ELMOD1: variants seen among roughly 807,000 people sequenced by gnomAD.
ELMOD1 encodes ELMO domain-containing protein 1.
Under a neutral mutation model 46.7 loss-of-function variants are expected in ELMOD1, and 21 were observed. The ratio of observed to expected loss-of-function variants is 0.45; its 90% CI spans 0.32 to 0.65. The LOEUF is 0.65. ELMOD1 is among the 30% of genes least tolerant of loss of function. The pLI is 0.04. For synonymous variants in ELMOD1, 122 were observed against 138.2 expected (o/e 0.88, Z 0.82); for missense variants, 348 against 407.8 (o/e 0.85, Z 1.26).
chr11:107,624,335 A>G (rs1284529658), intron 2 of ELMOD1, among the ~76,000 whole-genome samples: 1 of 152,228 alleles, frequency 6.6e-6, no homozygotes, highest in African/African-American at 2.4e-5. Context: ...TCCAAAGAGT[A>G]AAACATAACC....
intron 6 of ELMOD1, among the ~76,000 whole-genome samples, chr11:107,638,619 A>G (rs1268190543): frequency 1.3e-5 from 2 of 152,054 alleles, no homozygotes; most frequent in African/African-American, 4.8e-5. Context: ...GGGTAATAAT[A>G]CCCTTGTTAC....
chr11:107,625,417 A>G lies in ELMOD1; in HGVS notation c.18-5000A>G, dbSNP rs114607672. On this transcript the variant is annotated intron_variant, in intron 2 of 11. Coordinates refer to ENST00000265840, the MANE Select transcript of ELMOD1 (RefSeq NM_018712.4). Reference sequence around the variant, plus strand: ...TACAGGATTTCTTCAAGCAAGAATTAACTTTCATTAGCACATTCATTGAAA... The same window carrying G: ...TACAGGATTTCTTCAAGCAAGAATTGACTTTCATTAGCACATTCATTGAAA... 171 of 984,256 alleles carry G rather than the reference A, an allele frequency of 1.7e-4. No homozygotes were observed. In the African/African-American group the frequency reaches 2.2e-3, roughly 13 times the overall value. 61.0% of individuals were successfully genotyped at this position (984,256 alleles called of 1,614,324 possible).
At chr11:107,594,441 A>G (rs1444365057) in intron 1 of ELMOD1, among the ~76,000 whole-genome samples, 1 of 152,108 alleles carries the variant, frequency 6.6e-6, no homozygotes, top group African/African-American at 2.4e-5. Context: ...AATGGAAGAG[A>G]GAGCTGAAAA....
intron 1 of ELMOD1, among the ~76,000 whole-genome samples, chr11:107,598,252 G>A (rs1865527334): frequency 6.6e-6 from 1 of 152,156 alleles, no homozygotes; most frequent in Admixed American, 6.5e-5. Context: ...TAGAGACCCA[G>A]GAAATCTGGT....
At chr11:107,664,628 G>A (rs1866808821) in intron 11 of ELMOD1, among the ~76,000 whole-genome samples, 1 of 152,168 alleles carries the variant, frequency 6.6e-6, no homozygotes, top group Non-Finnish European at 1.5e-5. Flanking sequence ...CAAATATCAA[G>A]AGAATAAAGT....
At chr11:107,640,340 A>G (rs192463305) in intron 6 of ELMOD1, among the ~76,000 whole-genome samples, 2 of 152,336 alleles carry the variant, frequency 1.3e-5, no homozygotes, top group African/African-American at 4.8e-5. Context: ...AAAAATTACT[A>G]TTCCCATTGG....
At chr11:107,615,985 C>CTTTTTTTTTT (rs57135460) in intron 1 of ELMOD1, among the ~76,000 whole-genome samples, 1 of 74,048 alleles carries the variant, frequency 1.4e-5, no homozygotes. Context: ...CAGGTTTTTC[C>CTTTTTTTTTT]TTTTTTTTTT....
In ELMOD1 at chr11:107,642,095, C is replaced by T. The variant is rs575095967; in HGVS notation, c.421-5373C>T. Among the ~76,000 whole-genome samples, 5 of 151,864 alleles carry T rather than the reference C, an allele frequency of 3.3e-5. No individual in the cohort carries two copies. In the East Asian group the frequency reaches 7.8e-4, roughly 24 times the overall value. On this transcript the variant is annotated intron_variant, in intron 6 of 11. Coordinates refer to ENST00000265840, the MANE Select transcript of ELMOD1 (RefSeq NM_018712.4). The stretch of plus-strand genomic sequence containing the variant: ...AGTAGCTGGGATTACAGGCACCTGC[C>T]ACCATGCCCGGCTAATTTTTGTATT...
intron 9 of ELMOD1, among the ~76,000 whole-genome samples, chr11:107,651,331 C>G (rs1234447013): frequency 6.6e-6 from 1 of 152,164 alleles, no homozygotes; most frequent in Non-Finnish European, 1.5e-5. Context: ...AGTCACTCTT[C>G]TTAGAAGGAG....
intron 11 of ELMOD1, among the ~76,000 whole-genome samples, chr11:107,656,745 G>A (rs1866641281): frequency 6.6e-6 from 1 of 152,050 alleles, no homozygotes; most frequent in South Asian, 2.1e-4. Context: ...CTCTCCCTCT[G>A]ATCCTCATGG....
Position 107,665,046 on chromosome 11 carries a change from A to T in ELMOD1, c.854A>T (p.His285Leu), listed in dbSNP as rs754261524. ...ACAGGCTATTTGATGCATGAATTTC[A>T]TAAGTTTTGGATCGAAGAGGACCCC... is the stretch of plus-strand genomic sequence containing the variant. ...QTFCYLMHEF[H>L]KFWIEEDPMD... Residue 285 changes from histidine (H) to leucine (L), a missense_variant, in exon 12 of 12, where the codon CAT becomes CTT. By Grantham distance (99) the His-to-Leu change is moderately conservative. Coordinates refer to ENST00000265840, the MANE Select transcript of ELMOD1 (RefSeq NM_018712.4). The T allele has an allele frequency of 1.9e-6, 3 of 1,613,186 alleles. No homozygotes were observed. Among genetic ancestry groups the T allele is most frequent in the South Asian group, 1.1e-5 (1 of 90,966 alleles).
At chr11:107,648,147 A>G (rs182465295) in intron 7 of ELMOD1, among the ~76,000 whole-genome samples, 28 of 152,244 alleles carry the variant, frequency 1.8e-4, no homozygotes, top group African/African-American at 6.3e-4. Context: ...GTTCTCTCTA[A>G]AATACTTTTT....
At chr11:107,656,152 C>A in intron 11 of ELMOD1, 86 bp downstream of exon 11, 1 of 1,415,772 alleles carries the variant, frequency 7.1e-7, no homozygotes, top group South Asian at 1.3e-5. Context: ...CTTTGGGAGG[C>A]CAAGGCGAGT....
chr11:107,656,050 C>T lies in ELMOD1; in HGVS notation c.816C>T (p.His272=). 1 of 1,555,020 alleles carries T rather than the reference C, an allele frequency of 6.4e-7. No individual in the cohort carries two copies. The highest frequency in any genetic ancestry group is 8.7e-7 in the Non-Finnish European group (1 of 1,148,142). The stretch of plus-strand genomic sequence containing the variant: ...CCCCAGAAGCTCCAACATTGTCTCA[C>T]TTTCAGCAAACATTCTGTAAGTATC... ...NIAPEAPTLS[H]FQQTFCYLMH... The change falls in exon 11 of 12, where the codon CAC becomes CAT. Residue 272 remains histidine, a synonymous_variant. Coordinates refer to ENST00000265840, the MANE Select transcript of ELMOD1 (RefSeq NM_018712.4).
At chr11:107,611,019 A>G (rs1477720627) in intron 1 of ELMOD1, among the ~76,000 whole-genome samples, 1 of 149,702 alleles carries the variant, frequency 6.7e-6, no homozygotes, top group African/African-American at 2.5e-5. Flanking sequence ...AAAAAAAAAG[A>G]AAACCTAGGG....
intron 2 of ELMOD1, among the ~76,000 whole-genome samples, chr11:107,623,040 A>G (rs1388032244): frequency 1.3e-5 from 2 of 152,126 alleles, no homozygotes; most frequent in African/African-American, 2.4e-5. Context: ...TTTGTTACAT[A>G]TGTATACATG....
chr11:107,647,397 T>C (rs1866448974), intron 6 of ELMOD1, 71 bp from the exon 7 acceptor site: 5 of 1,446,506 alleles, frequency 3.5e-6, no homozygotes, highest in Non-Finnish European at 4.7e-6. Context: ...CTCCTAATAA[T>C]GTAGTTTACA....
At chr11:107,625,949 A>G (rs559290490) in intron 2 of ELMOD1, among the ~76,000 whole-genome samples, 17 of 152,342 alleles carry the variant, frequency 1.1e-4, no homozygotes, top group African/African-American at 3.8e-4. Flanking sequence ...CTGGAACACT[A>G]TCAAAAAGCT....
chr11:107,615,310 A>G (rs190966581), intron 1 of ELMOD1, among the ~76,000 whole-genome samples: 1,478 of 129,702 alleles, frequency 0.011, 24 homozygotes, highest in African/African-American at 0.04. Context: ...ATCTCGGCTC[A>G]CTGCAACCTC....
Sources: allele counts gnomAD v4.1 joint callset (sites outside exome capture counted in the v4.1 genomes callset), GRCh38; gene constraint gnomAD v4.1.1; transcripts MANE v1.5; gene names NCBI Gene and HGNC (gene_info 2026-07-23, HGNC 2026-07-21).